SOBP: variants seen among roughly 807,000 people sequenced by gnomAD.
SOBP encodes the protein sine oculis-binding protein homolog.
Under a neutral mutation model 53.6 loss-of-function variants are expected in SOBP, and 4 were observed. The ratio of observed to expected loss-of-function variants is 0.07; its 90% CI spans 0.04 to 0.17. The LOEUF is 0.17. Ranked by LOEUF, SOBP falls within the 10% of genes least tolerant of loss-of-function variation. SOBP has a pLI of 1.00. For synonymous variants in SOBP, 584 were observed against 522.6 expected, an observed-to-expected ratio of 1.12 and a Z score of -1.60; for missense variants, 1,088 against 1,204.7, an observed-to-expected ratio of 0.90 and a Z score of 1.43.
intron 4 of SOBP, among the ~76,000 whole-genome samples, chr6:107,535,380 C>T (rs1333005118): frequency 6.6e-6 from 1 of 152,184 alleles, no homozygotes; most frequent in East Asian, 1.9e-4. Context: ...GAAATACTTA[C>T]AGCAGGTAAA....
Position 107,490,590 on chromosome 6 carries a change from A to G in SOBP, c.-27A>G, listed in dbSNP as rs761304426. On this transcript the variant is annotated 5_prime_UTR_variant, in exon 1 of 7. Coordinates refer to ENST00000317357, the MANE Select transcript of SOBP (RefSeq NM_018013.4). ...CGCCGGCGGCGGCAGCAGCCATTTC[A>G]TCTCCACAGAAACCAGACACAAAAA... 35 of 1,566,836 alleles carry G rather than the reference A, an allele frequency of 2.2e-5. No individual in the cohort carries two copies. The highest frequency in any genetic ancestry group is 2.6e-5 in the Non-Finnish European group (30 of 1,149,334).
intron 5 of SOBP, among the ~76,000 whole-genome samples, chr6:107,604,505 GCCCCCACCCCCTAATC>G (rs1349254363): frequency 6.6e-6 from 1 of 151,126 alleles, no homozygotes; most frequent in East Asian, 1.9e-4. Context: ...AGTGGCTCCT[GCCCCCACCCCCTAATC>G]CCCCTACACC....
At chr6:107,596,856 TAGAG>T (rs1785964938) in intron 5 of SOBP, among the ~76,000 whole-genome samples, 1 of 152,176 alleles carries the variant, frequency 6.6e-6, no homozygotes, top group South Asian at 2.1e-4. Context: ...CACCATCTCT[TAGAG>T]AGCTTCCCAA....
At chr6:107,637,669 A>C (rs1303775160) in intron 6 of SOBP, among the ~76,000 whole-genome samples, 1 of 152,240 alleles carries the variant, frequency 6.6e-6, no homozygotes, top group Non-Finnish European at 1.5e-5. Flanking sequence ...TCACTCATTC[A>C]GGTGAGGCTG....
chr6:107,496,073 A>G (rs1782692212), intron 1 of SOBP, among the ~76,000 whole-genome samples: 1 of 152,146 alleles, frequency 6.6e-6, no homozygotes, highest in Non-Finnish European at 1.5e-5. Context: ...GGTAAGTGAG[A>G]TTTGCTGAAT....
Position 107,554,132 on chromosome 6 carries a change from C to T in SOBP, c.573+20522C>T, listed in dbSNP as rs111909622. On this transcript the variant is annotated intron_variant, in intron 4 of 6. Coordinates refer to ENST00000317357, the MANE Select transcript of SOBP (RefSeq NM_018013.4). ...TTGTACTGCCTGGTATGCCTCCCAGCAGATTTTTTGAGTAACCCTCCAGTA... is the reference window on the plus strand; with the variant it reads ...TTGTACTGCCTGGTATGCCTCCCAGTAGATTTTTTGAGTAACCCTCCAGTA... Among the ~76,000 whole-genome samples the T allele has an allele frequency of 8.5e-5, 13 of 152,272 alleles. 3 individuals are homozygous for T. The highest frequency in any genetic ancestry group is 3.1e-4 in the African/African-American group (13 of 41,556).
In SOBP at chr6:107,634,853, G is replaced by T; in HGVS notation, c.2009G>T (p.Arg670Leu). The change falls in exon 6 of 7, where the codon CGC (arginine) becomes CTC (leucine). Residue 670 changes from arginine (R) to leucine (L), a missense_variant. Physicochemically the swap from Arg to Leu is moderately radical, Grantham distance 102. Coordinates refer to ENST00000317357, the MANE Select transcript of SOBP (RefSeq NM_018013.4). This position sits in a 1 kb window ranked among gnomAD's most constrained non-coding sequence, Gnocchi z 4.5. ...HRARLHNVIHRALHAHVKAER... is the reference protein window; with the variant it reads ...HRARLHNVIHLALHAHVKAER... ...GCCCGGCTGCACAACGTGATCCACCGCGCGCTGCACGCGCACGTCAAGGCG... is the reference window on the plus strand; with the variant it reads ...GCCCGGCTGCACAACGTGATCCACCTCGCGCTGCACGCGCACGTCAAGGCG... The T allele has an allele frequency of 7.2e-7, 1 of 1,394,188 alleles. No homozygotes were observed. Among genetic ancestry groups the T allele is most frequent in the Non-Finnish European group, 9.4e-7 (1 of 1,069,268 alleles). 86.4% of individuals were successfully genotyped at this position (1,394,188 alleles called of 1,614,324 possible). A position where few individuals can be genotyped will look rare whatever the true frequency, so the allele number is the denominator to read the frequency against.
rs1770910029 is a variant in SOBP at position 107,634,643 on chromosome 6, G to C, written c.1799G>C (p.Gly600Ala). ...TCCAAGTCCGCGGACTCGCCCCCCG[G>C]CTGCTCGGGCCAGGCCCTGAGCCTG... Reference protein sequence around the residue: ...GSSKSADSPPGCSGQALSLAP... With the variant: ...GSSKSADSPPACSGQALSLAP... The change falls in exon 6 of 7, where the codon GGC becomes GCC. Residue 600 changes from glycine to alanine, a missense_variant. Around this residue, in one of 6 missense-constraint regions of SOBP, gnomAD observed 665 missense variants for 629.7 expected, o/e 1.06. Transcript: ENST00000317357. The surrounding 1 kb of genome is among the most constrained non-coding windows in gnomAD (Gnocchi z 4.5). 8.9e-6 allele frequency: 14 copies of C among 1,571,152 alleles called. No homozygotes were observed. Among genetic ancestry groups the C allele is most frequent in the Non-Finnish European group, 1.2e-5 (14 of 1,164,992 alleles).
At chr6:107,585,636 A>G (rs1474588903) in intron 4 of SOBP, among the ~76,000 whole-genome samples, 1 of 152,210 alleles carries the variant, frequency 6.6e-6, no homozygotes, top group Non-Finnish European at 1.5e-5. Flanking sequence ...AGCATGAGGG[A>G]TGTTATAAAT....
chr6:107,633,175 CCT>C (rs1362173961), intron 5 of SOBP, among the ~76,000 whole-genome samples: 2 of 152,188 alleles, frequency 1.3e-5, no homozygotes, highest in African/African-American at 4.8e-5. Context: ...TTACAATGAG[CCT>C]CTCTGACAAG....
intron 4 of SOBP, among the ~76,000 whole-genome samples, chr6:107,537,347 A>G (rs1402790007): frequency 6.6e-6 from 1 of 152,218 alleles, no homozygotes. Flanking sequence ...CCAAAAATCA[A>G]GAAGGAAATT....
At chr6:107,621,738 G>A (rs190745924) in intron 5 of SOBP, among the ~76,000 whole-genome samples, 186 of 152,298 alleles carry the variant, frequency 1.2e-3, no homozygotes, top group Middle Eastern at 3.4e-3. Context: ...CGGGTGACTG[G>A]TGCTGGCCTG....
At chr6:107,614,117 G>T (rs1267139294) in intron 5 of SOBP, among the ~76,000 whole-genome samples, 1 of 152,218 alleles carries the variant, frequency 6.6e-6, no homozygotes, top group Non-Finnish European at 1.5e-5. Context: ...TACAGTAGGA[G>T]TAAGGCAGGC....
chr6:107,499,962 A>G (rs1470709892), intron 1 of SOBP, among the ~76,000 whole-genome samples: 1 of 152,252 alleles, frequency 6.6e-6, no homozygotes, highest in African/African-American at 2.4e-5. Flanking sequence ...GGAAATGAAT[A>G]ACTTTTTAAA....
chr6:107,661,250 C>T lies in SOBP; in HGVS notation c.*3047C>T, dbSNP rs1458553617. 6.6e-6 allele frequency among the ~76,000 whole-genome samples: 1 copy of T among 152,148 alleles called. No homozygotes were observed. The highest frequency in any genetic ancestry group is 1.5e-5 in the Non-Finnish European group (1 of 68,028). ...TTCCTTCTCACGATCTTACTGCTGT[C>T]TGAATGCACAATTCTCTTGGGATAT... On this transcript the variant is annotated 3_prime_UTR_variant, in exon 7 of 7. Transcript: ENST00000317357.
intron 1 of SOBP, among the ~76,000 whole-genome samples, chr6:107,499,020 G>T (rs1217304347): frequency 6.6e-6 from 1 of 152,172 alleles, no homozygotes; most frequent in Non-Finnish European, 1.5e-5. Context: ...AGAGGTCAAT[G>T]ATCAAATCCA....
At chr6:107,613,523 G>A (rs1786674268) in intron 5 of SOBP, among the ~76,000 whole-genome samples, 1 of 152,184 alleles carries the variant, frequency 6.6e-6, no homozygotes, top group African/African-American at 2.4e-5. Flanking sequence ...CTTTTATGTA[G>A]AGAAATCAGG....
intron 1 of SOBP, among the ~76,000 whole-genome samples, chr6:107,494,801 C>T (rs1782659419): frequency 6.6e-6 from 1 of 152,148 alleles, no homozygotes; most frequent in African/African-American, 2.4e-5. Flanking sequence ...TTGGGTCAGG[C>T]ACATCTGTTA....
intron 6 of SOBP, among the ~76,000 whole-genome samples, chr6:107,636,030 G>A (rs1161934073): frequency 6.6e-6 from 1 of 152,200 alleles, no homozygotes; most frequent in African/African-American, 2.4e-5. Context: ...ACTCTTACAT[G>A]CATATGTCAA....
Sources: gnomAD v4.1 joint callset for allele counts (sites outside exome capture counted in the v4.1 genomes callset) on GRCh38, gnomAD v4.1.1 for gene constraint, gnomAD v4.1.1 regional missense constraint, Gnocchi (gnomAD v3.1) non-coding constraint, MANE v1.5 for transcripts, NCBI Gene and HGNC (gene_info 2026-07-23, HGNC 2026-07-21) for gene names.